The following DMD variants were observed in gnomAD, a reference collection of about 807,000 sequenced individuals.
DMD encodes mutant dystrophin.
A neutral mutation model predicts 330.1 loss-of-function variants in DMD; 63 were observed. The observed-to-expected ratio is 0.19, with a 90% CI of 0.16 to 0.24. The LOEUF is 0.24. Among genes scored for constraint, DMD ranks in the 10% least tolerant of loss-of-function variants. The pLI, the probability that DMD is intolerant of heterozygous loss-of-function variation, is 1.00. For synonymous variants in DMD, 1,223 were observed against 959.8 expected (o/e 1.27, Z -5.07); for missense variants, 3,344 against 2,684.1 (o/e 1.25, Z -5.43).
intron 43 of DMD, among the ~76,000 whole-genome samples, chrX:32,269,304 G>C (rs11796299): frequency 0.12 from 13,195 of 111,171 alleles, 792 homozygotes; most frequent in Non-Finnish European, 0.17. Flanking sequence ...AGGTATATAA[G>C]ACCATGGAAG....
rs539392733 is a variant in DMD, at chrX:32,698,294, C to T, written c.832-296G>A. On this transcript the variant is annotated intron_variant, in intron 8 of 78. Transcript: ENST00000357033. ...TTATATGGGATGGTACTCTTCAATCCGGCAAAAACAGGCATCCATAAGCAA... is the reference window on the plus strand; with the variant it reads ...TTATATGGGATGGTACTCTTCAATCTGGCAAAAACAGGCATCCATAAGCAA... Among the ~76,000 whole-genome samples, 5 of 110,925 alleles carry T rather than the reference C, an allele frequency of 4.5e-5. No homozygotes were observed. In the East Asian group the frequency reaches 1.1e-3, roughly 25 times the overall value.
At chrX:32,906,684 G>T (rs745576862) in intron 2 of DMD, among the ~76,000 whole-genome samples, 28 of 111,395 alleles carry the variant, frequency 2.5e-4, no homozygotes, top group African/African-American at 8.1e-4. Context: ...GAGGTGAGAT[G>T]ATTTAATTGA....
Position 32,617,354 on chromosome X carries a change from T to C in DMD, c.1332-2901A>G, listed in dbSNP as rs138624678. ...TGCCATAGTAACCAAGACAGCATTG[T>C]ATTAGCATAAAAACTGATCAGTGGA... On this transcript the variant is annotated intron_variant, in intron 11 of 78. Transcript: ENST00000357033. Among the ~76,000 whole-genome samples the C allele has an allele frequency of 1.1e-3, 124 of 111,663 alleles. 1 individual carries two copies. The East Asian group carries it at 0.031, about 28-fold the overall frequency.
intron 44 of DMD, among the ~76,000 whole-genome samples, chrX:32,075,003 G>C (rs891828294): frequency 9.0e-6 from 1 of 111,546 alleles, no homozygotes; most frequent in Admixed American, 9.6e-5. Flanking sequence ...CACAGAAAGA[G>C]GTTCGGAACT....
At chrX:32,530,074 G>C (rs910744855) in intron 17 of DMD, among the ~76,000 whole-genome samples, 2 of 111,807 alleles carry the variant, frequency 1.8e-5, no homozygotes, top group Non-Finnish European at 3.8e-5. Flanking sequence ...CGTTTACCTT[G>C]TCCTAAAATA....
intron 7 of DMD, among the ~76,000 whole-genome samples, chrX:32,704,351 A>G (rs2064411483): frequency 9.2e-6 from 1 of 108,833 alleles, no homozygotes; most frequent in African/African-American, 3.6e-5. Flanking sequence ...AGTAAGTAAG[A>G]TGAAAGCAGT....
At chrX:32,806,195 C>T (rs181051719) in intron 7 of DMD, among the ~76,000 whole-genome samples, 3 of 111,579 alleles carry the variant, frequency 2.7e-5, no homozygotes, top group Admixed American at 1.9e-4. Context: ...AGCAATCTCA[C>T]GTGCAAAGAC....
intron 45 of DMD, among the ~76,000 whole-genome samples, chrX:31,959,374 C>T (rs937568207): frequency 9.0e-6 from 1 of 111,667 alleles, no homozygotes; most frequent in Admixed American, 9.5e-5. Context: ...AAAGGAAGTC[C>T]CCTTATCAAA....
At chrX:32,593,717 G>T (rs2055198015) in intron 13 of DMD, among the ~76,000 whole-genome samples, 1 of 112,206 alleles carries the variant, frequency 8.9e-6, no homozygotes, top group African/African-American at 3.2e-5. Context: ...ATGGGATGTG[G>T]AATGCTTAGA....
intron 7 of DMD, among the ~76,000 whole-genome samples, chrX:32,699,864 T>C (rs1198919380): frequency 3.6e-5 from 4 of 111,791 alleles, no homozygotes; most frequent in Non-Finnish European, 7.5e-5. Context: ...TACTATTCCG[T>C]GTATGTTAAA....
At chrX:31,951,639 C>T (rs2095181573) in intron 45 of DMD, among the ~76,000 whole-genome samples, 1 of 110,849 alleles carries the variant, frequency 9.0e-6, no homozygotes, top group Non-Finnish European at 1.9e-5. Context: ...AGATATTTTT[C>T]TCTGCTAAGC....
intron 41 of DMD, among the ~76,000 whole-genome samples, chrX:32,333,397 A>G (rs886588103): frequency 1.8e-5 from 2 of 110,711 alleles, no homozygotes; most frequent in African/African-American, 6.5e-5. Flanking sequence ...ATGTTCTTTC[A>G]TTGTTTTTGA....
At chrX:32,502,316 A>G (rs1380366941) in intron 18 of DMD, among the ~76,000 whole-genome samples, 1 of 111,553 alleles carries the variant, frequency 9.0e-6, no homozygotes, top group Non-Finnish European at 1.9e-5. Context: ...AATATATAAT[A>G]TATGTACATA....
intron 51 of DMD, among the ~76,000 whole-genome samples, chrX:31,751,665 C>T (rs2088586966): frequency 9.0e-6 from 1 of 111,609 alleles, no homozygotes; most frequent in Non-Finnish European, 1.9e-5. Flanking sequence ...CATGACATTG[C>T]CCCCAGACCC....
chrX:32,711,498 G>T (rs1292997794), intron 7 of DMD, among the ~76,000 whole-genome samples: 1 of 111,591 alleles, frequency 9.0e-6, no homozygotes, highest in Non-Finnish European at 1.9e-5. Flanking sequence ...TTCCCTCAGA[G>T]AAAACACATC....
At chrX:31,137,608 TGG>T (rs1569321131) in intron 76 of DMD, among the ~76,000 whole-genome samples, 3 of 110,218 alleles carry the variant, frequency 2.7e-5, no homozygotes, top group Non-Finnish European at 5.7e-5. Context: ...ACTGTTCAAA[TGG>T]TTGAACAGTG....
chrX:32,695,752 G>T (rs973794082), intron 9 of DMD, among the ~76,000 whole-genome samples: 19 of 111,777 alleles, frequency 1.7e-4, no homozygotes, highest in Admixed American at 1.1e-3. Context: ...TTGAAGCCAG[G>T]TTATTAAATT....
intron 1 of DMD, among the ~76,000 whole-genome samples, chrX:33,130,640 T>C (rs1004304066): frequency 2.7e-5 from 3 of 109,475 alleles, no homozygotes; most frequent in African/African-American, 1.0e-4. Context: ...CCGCAACCTC[T>C]GCCTCCCGGG....
At chrX:31,512,474 C>T (rs1202383235) in intron 55 of DMD, among the ~76,000 whole-genome samples, 114 of 100,474 alleles carry the variant, frequency 1.1e-3, no homozygotes, top group Non-Finnish European at 1.5e-3. Flanking sequence ...TTAGGTCTAA[C>T]GTTTAAGTCT....
Sources: allele counts gnomAD v4.1 joint callset (sites outside exome capture counted in the v4.1 genomes callset), GRCh38; gene constraint gnomAD v4.1.1; transcripts MANE v1.5; gene names NCBI Gene and HGNC (gene_info 2026-07-23, HGNC 2026-07-21).